HTR1F: variants seen among roughly 807,000 people sequenced by gnomAD.
The protein encoded by HTR1F is 5-hydroxytryptamine (serotonin) receptor 1F, G protein-coupled.
In HTR1F, 17 loss-of-function variants were observed where a neutral mutation model predicts 24.0. That is an observed-to-expected ratio of 0.71 (90% confidence interval 0.48 to 1.06). The LOEUF (loss-of-function observed/expected upper bound fraction) is 1.06, where lower values mean the gene tolerates loss of function less well. Among genes scored for constraint, HTR1F ranks in the 50% least tolerant of loss-of-function variants. The probability of loss-of-function intolerance (pLI) is 0.00; values close to 1 mark genes in which losing one functional copy is unlikely to be tolerated. For synonymous variants in HTR1F, 186 were observed against 156.8 expected (o/e 1.19, Z -1.39); for missense variants, 391 against 427.8 (o/e 0.91, Z 0.76).
At chr3:87,794,743 G>T (rs6777373) in intron 1 of HTR1F, among the ~76,000 whole-genome samples, 3 of 152,024 alleles carry the variant, frequency 2.0e-5, no homozygotes, top group Admixed American at 6.5e-5. Context: ...CCATCTTGCC[G>T]CATTAGCCAA....
chr3:87,906,752 T>G (rs1250343887), intron 2 of HTR1F, among the ~76,000 whole-genome samples: 1 of 151,972 alleles, frequency 6.6e-6, no homozygotes, highest in Non-Finnish European at 1.5e-5. Context: ...CTTTGCATCC[T>G]CATAGCTTAG....
intron 2 of HTR1F, among the ~76,000 whole-genome samples, chr3:87,985,459 AATT>A (rs1308041457): frequency 6.6e-6 from 1 of 152,216 alleles, no homozygotes; most frequent in African/African-American, 2.4e-5. Flanking sequence ...TTGTTCTACC[AATT>A]ATTTGTTGTG....
At position 87,947,816 on chromosome 3, in the gene HTR1F, T is replaced by C. The variant is rs144269721; in HGVS notation, c.-42-42892T>C. Among the ~76,000 whole-genome samples the C allele has an allele frequency of 9.0e-3, 1,367 of 152,298 alleles. 13 individuals are homozygous for C. The highest frequency in any genetic ancestry group is 0.013 in the Non-Finnish European group (882 of 68,014). ...TTTATTATATAACTATTATGTTTAT[T>C]GATAAGCAGTTATTAAATTTGACTA... On this transcript the variant is annotated intron_variant, in intron 2 of 2. Transcript: ENST00000319595.
At chr3:87,978,890 G>GAGGGAGGGAGGA (rs1250443484) in intron 2 of HTR1F, among the ~76,000 whole-genome samples, 10 of 46,176 alleles carry the variant, frequency 2.2e-4, no homozygotes, top group African/African-American at 4.1e-4. Context: ...GGGAGGGAGG[G>GAGGGAGGGAGGA]AGGAAGGAAG....
chr3:87,875,942 G>C (rs1354288838), intron 2 of HTR1F, among the ~76,000 whole-genome samples: 1 of 145,638 alleles, frequency 6.9e-6, no homozygotes, highest in African/African-American at 2.5e-5. Flanking sequence ...AAAAAAAAAA[G>C]GGCAAGACTC....
chr3:87,913,944 C>T (rs1378057753), intron 2 of HTR1F, among the ~76,000 whole-genome samples: 1 of 152,074 alleles, frequency 6.6e-6, no homozygotes, highest in East Asian at 1.9e-4. Context: ...ATTTTTGCTC[C>T]ACAACAACTG....
intron 2 of HTR1F, among the ~76,000 whole-genome samples, chr3:87,899,483 T>C (rs1347013898): frequency 1.3e-5 from 2 of 152,160 alleles, no homozygotes; most frequent in Non-Finnish European, 1.5e-5. Flanking sequence ...TTTATAAACA[T>C]TAAAGCTCTG....
intron 2 of HTR1F, among the ~76,000 whole-genome samples, chr3:87,853,046 A>G (rs1291476503): frequency 2.7e-5 from 4 of 150,528 alleles, no homozygotes; most frequent in Non-Finnish European, 5.9e-5. Flanking sequence ...CTCTCGATAG[A>G]TTTTATAATA....
intron 2 of HTR1F, among the ~76,000 whole-genome samples, chr3:87,831,552 C>T (rs1553663490): frequency 6.6e-6 from 1 of 151,496 alleles, no homozygotes; most frequent in Non-Finnish European, 1.5e-5. Context: ...TTAGTAGAGA[C>T]GGGGTTTCAC....
intron 2 of HTR1F, among the ~76,000 whole-genome samples, chr3:87,938,304 G>A (rs2107430892): frequency 6.6e-6 from 1 of 152,212 alleles, no homozygotes; most frequent in South Asian, 2.1e-4. Flanking sequence ...CAAACAAATG[G>A]AAAAACATTC....
intron 2 of HTR1F, among the ~76,000 whole-genome samples, chr3:87,852,657 C>T (rs1210759792): frequency 2.0e-5 from 3 of 151,650 alleles, no homozygotes; most frequent in African/African-American, 7.3e-5. Flanking sequence ...CATATGTATA[C>T]ATGTGCCATG....
chr3:87,905,463 T>C (rs1399191271), intron 2 of HTR1F, among the ~76,000 whole-genome samples: 1 of 152,106 alleles, frequency 6.6e-6, no homozygotes, highest in African/African-American at 2.4e-5. Context: ...AATGTATACA[T>C]TTTCTTTTTC....
chr3:87,794,588 T>C (rs921278049), intron 1 of HTR1F, among the ~76,000 whole-genome samples: 4 of 152,220 alleles, frequency 2.6e-5, no homozygotes, highest in African/African-American at 9.6e-5. Flanking sequence ...TTTCAGTTAG[T>C]ATGAATCATT....
At chr3:87,980,460 G>A (rs1576117837) in intron 2 of HTR1F, among the ~76,000 whole-genome samples, 1 of 152,168 alleles carries the variant, frequency 6.6e-6, no homozygotes, top group African/African-American at 2.4e-5. Flanking sequence ...CAGAAGGGAG[G>A]AAGTGCATGC....
At chr3:87,928,257 G>A (rs553263127) in intron 2 of HTR1F, among the ~76,000 whole-genome samples, 83 of 152,036 alleles carry the variant, frequency 5.5e-4, no homozygotes, top group Non-Finnish European at 9.9e-4. Context: ...CATTGGCCAG[G>A]CTGGTCTCAA....
chr3:87,926,577 T>C (rs539252793), intron 2 of HTR1F, among the ~76,000 whole-genome samples: 5 of 152,256 alleles, frequency 3.3e-5, no homozygotes, highest in African/African-American at 1.2e-4. Context: ...AAGAGATCAG[T>C]AAATGAAAAA....
At chr3:87,886,770 C>A (rs1315655321) in intron 2 of HTR1F, among the ~76,000 whole-genome samples, 1 of 152,162 alleles carries the variant, frequency 6.6e-6, no homozygotes, top group Admixed American at 6.5e-5. Flanking sequence ...ATCCAACTTA[C>A]AAGGGATGTG....
At chr3:87,889,270 C>A (rs1706026730) in intron 2 of HTR1F, among the ~76,000 whole-genome samples, 2 of 152,094 alleles carry the variant, frequency 1.3e-5, no homozygotes, top group Admixed American at 1.3e-4. Flanking sequence ...AATTACCCAG[C>A]CTCATGTATT....
At chr3:87,977,403 T>A (rs1330447451) in intron 2 of HTR1F, among the ~76,000 whole-genome samples, 14 of 137,126 alleles carry the variant, frequency 1.0e-4, no homozygotes, top group Non-Finnish European at 1.9e-4. Flanking sequence ...CTTTTTTTTT[T>A]TTTTTTTTTT....
Sources: gnomAD v4.1 joint callset for allele counts (sites outside exome capture counted in the v4.1 genomes callset) on GRCh38, gnomAD v4.1.1 for gene constraint, MANE v1.5 for transcripts, NCBI Gene and HGNC (gene_info 2026-07-23, HGNC 2026-07-21) for gene names.